The following CSF3R variants were observed in gnomAD, a reference collection of about 807,000 sequenced individuals.
CSF3R encodes granulocyte colony-stimulating factor receptor.
In CSF3R, 52 loss-of-function variants were observed where a neutral mutation model predicts 84.4. The observed-to-expected ratio is 0.62, with a 90% confidence interval of 0.49 to 0.78. The LOEUF (loss-of-function observed/expected upper bound fraction) is 0.78. CSF3R is among the 30% of genes least tolerant of loss of function. The pLI, the probability that CSF3R is intolerant of heterozygous loss-of-function variation, is 0.00. For missense variants in CSF3R, 890 were observed against 1,055.7 expected (o/e 0.84, Z 2.17); for synonymous variants, 384 against 429.1 (o/e 0.89, Z 1.30).
chr1:36,478,254 C>T (rs377429664), intron 3 of CSF3R, among the ~76,000 whole-genome samples: 50 of 151,954 alleles, frequency 3.3e-4, no homozygotes, highest in Non-Finnish European at 7.1e-4. Context: ...CAGGGCTGGG[C>T]GCGGTGGTTC....
At chr1:36,473,045 C>T (rs1650882152) in intron 6 of CSF3R, 2 of 400,544 alleles carry the variant, frequency 5.0e-6, no homozygotes, top group Non-Finnish European at 9.0e-6. Context: ...CTATGCCCTT[C>T]TCCTCCTTTA....
rs1484643585 is a variant in CSF3R at position 36,466,710 on chromosome 1, G to C, written c.2158C>G (p.Leu720Val). 5.6e-6 allele frequency: 9 copies of C among 1,614,120 alleles called. No homozygotes were observed. Among genetic ancestry groups the C allele is most frequent in the Non-Finnish European group, 7.6e-6 (9 of 1,180,042 alleles). The change falls in exon 17 of 17, where the codon CTC becomes GTC. Residue 720 changes from leucine to valine, a missense_variant. Leu to Val is a conservative substitution (Grantham distance 32). Transcript: ENST00000373106. The surrounding 1 kb of genome is among the most constrained non-coding windows in gnomAD (Gnocchi z 4.6). ...ACATAGGTCTGGACCAGAGTGGGGA[G>C]GCCACAGGTCTCTGAGCTGTTATGG... ...ESHNSSETCGLPTLVQTYVLQ... is the reference protein window; with the variant it reads ...ESHNSSETCGVPTLVQTYVLQ...
At position 36,471,393 on chromosome 1, in the gene CSF3R, G is replaced by A. The variant is rs4376694; in HGVS notation, c.1285+40C>T. The A allele has an allele frequency of 4.9e-4, 767 of 1,580,778 alleles. 1 individual carries two copies. The highest frequency in any genetic ancestry group is 3.4e-3 in the Middle Eastern group (20 of 5,914). On this transcript the variant is annotated intron_variant, in intron 10 of 16. Coordinates refer to ENST00000373106, the MANE Select transcript of CSF3R (RefSeq NM_000760.4). ...GGCAGTCTAGCCTTTGAATTGATGC[G>A]CTTGACCTCTGTGCTCTTCTGGCTG...
In CSF3R at chr1:36,466,727, C is replaced by T. The variant is rs1650342297; in HGVS notation, c.2141G>A (p.Ser714Asn). ...AGTGGGGAGGCCACAGGTCTCTGAG[C>T]TGTTATGGGACTCCCAGGGCACCGG... ...KKPVPWESHNSSETCGLPTLV... is the reference protein window; with the variant it reads ...KKPVPWESHNNSETCGLPTLV... The change falls in exon 17 of 17, where the codon AGC (serine) becomes AAC (asparagine). Residue 714 changes from serine to asparagine, a missense_variant. Physicochemically the swap from Ser to Asn is conservative, Grantham distance 46 (BLOSUM62 1). Coordinates refer to ENST00000373106, the MANE Select transcript of CSF3R (RefSeq NM_000760.4). The surrounding 1 kb of genome is among the most constrained non-coding windows in gnomAD (Gnocchi z 4.6). 6.2e-7 allele frequency: 1 copy of T among 1,614,102 alleles called. No individual in the cohort carries two copies. The highest frequency in any genetic ancestry group is 1.1e-5 in the South Asian group (1 of 91,092).
rs1355662943 is a variant in CSF3R, at chr1:36,467,051, T to A, written c.2040+179A>T. 6.3e-6 allele frequency: 8 copies of A among 1,273,612 alleles called. No homozygotes were observed. The highest frequency in any genetic ancestry group is 8.9e-6 in the Non-Finnish European group (8 of 898,782). 78.9% of individuals were successfully genotyped at this position (1,273,612 alleles called of 1,614,324 possible). ...TCAGTTTTTCCATATCACAGGGAGG[T>A]GACTGAGGCTTTGAGATGGACAGAG... On this transcript the variant is annotated intron_variant, in intron 16 of 16. Transcript: ENST00000373106. This position sits in a 1 kb window ranked among gnomAD's most constrained non-coding sequence, Gnocchi z 4.1.
At chr1:36,473,333 C>A in intron 6 of CSF3R, 102 bp downstream of exon 6, 1 of 1,344,688 alleles carries the variant, frequency 7.4e-7, no homozygotes, top group Middle Eastern at 2.6e-4. Context: ...GTCTCTAGGT[C>A]TTCCAGTGTC....
rs1650406996 is a variant in CSF3R, at chr1:36,467,563, G to A, written c.1953C>T (p.Ser651=). The A allele has an allele frequency of 6.2e-7, 1 of 1,613,856 alleles. No homozygotes were observed. The highest frequency in any genetic ancestry group is 1.7e-5 in the Admixed American group (1 of 59,978). Residue 651 remains serine, a synonymous_variant, in exon 15 of 17, where the codon AGC becomes AGT. Coordinates refer to ENST00000373106, the MANE Select transcript of CSF3R (RefSeq NM_000760.4). The surrounding 1 kb of genome is among the most constrained non-coding windows in gnomAD (Gnocchi z 4.1). ...CLCGTAWLCC[S]PNRKNPLWPS... is the part of the protein sequence containing the mutation. The stretch of plus-strand genomic sequence containing the variant: ...GGTCTCTCAAAGGGACTCACTTGGG[G>A]CTGCAACAGAGCCAGGCAGTTCCAC...
In CSF3R at chr1:36,472,949, G is replaced by T; in HGVS notation, c.674-263C>A. 1 of 511,534 alleles carries T rather than the reference G, an allele frequency of 2.0e-6. No homozygotes were observed. The allele number at this position is 511,534 out of a possible 1,614,324, so 31.7% of individuals were successfully genotyped here. ...CGGCTTGCTCCCTCATTTCCTTCAA[G>T]GATCTGCTCAATTGTCACCCTCTTA... On this transcript the variant is annotated intron_variant, in intron 6 of 16. Transcript: ENST00000373106. The surrounding 1 kb of genome is among the most constrained non-coding windows in gnomAD (Gnocchi z 5.0).
chr1:36,473,921 G>A lies in CSF3R; in HGVS notation c.362-34C>T, dbSNP rs116455808. ...GGGTGGGAAGAGTGTGAGGGCTTTG[G>A]GTGGGACCACTCAGAAAGCTTCCTC... On this transcript the variant is annotated intron_variant, in intron 4 of 16. Transcript: ENST00000373106. The A allele has an allele frequency of 1.4e-3, 2,304 of 1,613,394 alleles. 27 individuals carry two copies. The African/African-American group carries it at 0.027, about 19-fold the overall frequency.
Position 36,467,874 on chromosome 1 carries a change from G to A in CSF3R, c.1812C>T (p.Ser604=), listed in dbSNP as rs372180979. Residue 604 remains serine (S), a synonymous_variant, in exon 14 of 17, where the codon AGC becomes AGT. Transcript: ENST00000373106. The surrounding 1 kb of genome is among the most constrained non-coding windows in gnomAD (Gnocchi z 4.1). The stretch of plus-strand genomic sequence containing the variant: ...CTGTACTGTTGGTGGCCCCAGCCTG[G>A]CTGGCAGCCATGAGGTGGATGTGAT... The part of the protein sequence containing the change: ...SLYHIHLMAA[S]QAGATNSTVL... The A allele has an allele frequency of 5.1e-5, 83 of 1,614,140 alleles. No homozygotes were observed. Among genetic ancestry groups the A allele is most frequent in the Non-Finnish European group, 7.0e-5 (83 of 1,180,058 alleles).
Position 36,467,715 on chromosome 1 carries a change from C to T in CSF3R, c.1865-64G>A. 3.7e-6 allele frequency: 6 copies of T among 1,611,680 alleles called. No individual in the cohort carries two copies. Among genetic ancestry groups the T allele is most frequent in the Non-Finnish European group, 4.2e-6 (5 of 1,177,754 alleles). ...GTTGGGAAGGCTGGGTCTCCTCCCT[C>T]CGACCAGGGGATTCAAAGTCAGTCC... On this transcript the variant is annotated intron_variant, in intron 14 of 16. Coordinates refer to ENST00000373106, the MANE Select transcript of CSF3R (RefSeq NM_000760.4). This position sits in a 1 kb window ranked among gnomAD's most constrained non-coding sequence, Gnocchi z 4.1.
chr1:36,466,774 C>G lies in CSF3R; in HGVS notation c.2094G>C (p.Val698=). 1.2e-5 allele frequency: 20 copies of G among 1,614,208 alleles called. No individual in the cohort carries two copies. The highest frequency in any genetic ancestry group is 1.7e-5 in the Non-Finnish European group (20 of 1,180,040). The change falls in exon 17 of 17, where the codon GTG becomes GTC. Residue 698 remains valine, a synonymous_variant. Coordinates refer to ENST00000373106, the MANE Select transcript of CSF3R (RefSeq NM_000760.4). This position sits in a 1 kb window ranked among gnomAD's most constrained non-coding sequence, Gnocchi z 4.6. Reference sequence around the variant, plus strand: ...CCGGCTTCTTTTCATCCTCCTCCAGCACTGTGAGCTTGGTGATGGGTGGCG... The same window carrying G: ...CCGGCTTCTTTTCATCCTCCTCCAGGACTGTGAGCTTGGTGATGGGTGGCG... ...LGTPPITKLT[V]LEEDEKKPVP...
intron 2 of CSF3R, 76 bp from the exon 3 acceptor site, chr1:36,479,592 A>T: frequency 8.4e-7 from 1 of 1,187,984 alleles, no homozygotes. Context: ...GTCACTGTGC[A>T]GCTTTGACTA....
chr1:36,479,789 A>G (rs1651403516), intron 2 of CSF3R, among the ~76,000 whole-genome samples: 1 of 152,232 alleles, frequency 6.6e-6, no homozygotes, highest in Admixed American at 6.5e-5. Context: ...AGAGCAGGGA[A>G]AGGAGCAGTG....
intron 3 of CSF3R, among the ~76,000 whole-genome samples, chr1:36,476,531 C>A (rs1036304748): frequency 2.6e-5 from 4 of 152,222 alleles, no homozygotes; most frequent in Admixed American, 1.3e-4. Flanking sequence ...CCAGCTTATA[C>A]CGGTCTCTCA....
chr1:36,475,412 A>G lies in CSF3R; in HGVS notation c.326T>C (p.Leu109Pro), dbSNP rs1290014200. 2 of 1,614,102 alleles carry G rather than the reference A, an allele frequency of 1.2e-6. No individual in the cohort carries two copies. Among genetic ancestry groups the G allele is most frequent in the Non-Finnish European group, 1.7e-6 (2 of 1,180,022 alleles). The change falls in exon 4 of 17, where the codon CTG becomes CCG. Residue 109 changes from leucine to proline, a missense_variant. Coordinates refer to ENST00000373106, the MANE Select transcript of CSF3R (RefSeq NM_000760.4). The stretch of plus-strand genomic sequence containing the variant: ...CAGCTCAACCTGGTCCAGGATCTGC[A>G]GGCTGTTGCCCCAGTTCAGGCAGCA... Reference protein sequence around the residue: ...LSCCLNWGNSLQILDQVELRA... With the variant: ...LSCCLNWGNSPQILDQVELRA...
Position 36,467,846 on chromosome 1 carries a change from G to T in CSF3R, c.1840C>A (p.Leu614Ile). ...CCTGGGGTCAAGGTCATCAGGGTGA[G>T]GACTGTACTGTTGGTGGCCCCAGCC... Reference protein sequence around the residue: ...SQAGATNSTVLTLMTLTPEGS... With the variant: ...SQAGATNSTVITLMTLTPEGS... The change falls in exon 14 of 17, where the codon CTC becomes ATC. Residue 614 changes from leucine (L) to isoleucine (I), a missense_variant. By Grantham distance (5) the Leu-to-Ile change is conservative. Coordinates refer to ENST00000373106, the MANE Select transcript of CSF3R (RefSeq NM_000760.4). The surrounding 1 kb of genome is among the most constrained non-coding windows in gnomAD (Gnocchi z 4.1). 6.2e-7 allele frequency: 1 copy of T among 1,614,252 alleles called. No individual in the cohort carries two copies. The highest frequency in any genetic ancestry group is 1.1e-5 in the South Asian group (1 of 91,086).
Position 36,467,566 on chromosome 1 carries a change from G to C in CSF3R, c.1950C>G (p.Cys650Trp). 6.2e-7 allele frequency: 1 copy of C among 1,614,042 alleles called. No individual in the cohort carries two copies. Among genetic ancestry groups the C allele is most frequent in the South Asian group, 1.1e-5 (1 of 91,072 alleles). ...CTCTCAAAGGGACTCACTTGGGGCTGCAACAGAGCCAGGCAGTTCCACAGA... is the reference window on the plus strand; with the variant it reads ...CTCTCAAAGGGACTCACTTGGGGCTCCAACAGAGCCAGGCAGTTCCACAGA... ...TCLCGTAWLC[C>W]SPNRKNPLWP... Residue 650 changes from cysteine (C) to tryptophan (W), a missense_variant, in exon 15 of 17, where the codon TGC (cysteine) becomes TGG (tryptophan). Physicochemically the swap from Cys to Trp is radical, Grantham distance 215 (BLOSUM62 -2). Transcript: ENST00000373106. The surrounding 1 kb of genome is among the most constrained non-coding windows in gnomAD (Gnocchi z 4.1).
At chr1:36,470,102 G>T (rs990281934) in intron 10 of CSF3R, among the ~76,000 whole-genome samples, 3 of 152,236 alleles carry the variant, frequency 2.0e-5, no homozygotes, top group African/African-American at 7.2e-5. Flanking sequence ...TCTTGTTAGT[G>T]ATAACAGCTA....
Sources: gnomAD v4.1 joint callset for allele counts (sites outside exome capture counted in the v4.1 genomes callset) on GRCh38, gnomAD v4.1.1 for gene constraint, Gnocchi (gnomAD v3.1) non-coding constraint, MANE v1.5 for transcripts, NCBI Gene and HGNC (gene_info 2026-07-23, HGNC 2026-07-21) for gene names.